Variants in TULP4 observed in about 807,000 individuals in gnomAD.
TULP4 encodes TUB like protein 4.
A neutral mutation model predicts 129.0 loss-of-function variants in TULP4; 16 were observed. That is an observed-to-expected ratio of 0.12 (90% CI 0.08 to 0.19). The LOEUF (loss-of-function observed/expected upper bound fraction) is 0.19, where lower values mean the gene tolerates loss of function less well. TULP4 is among the 10% of genes least tolerant of loss of function. The pLI is 1.00. For missense variants in TULP4, 1,842 were observed against 2,059.1 expected, an observed-to-expected ratio of 0.89 and a Z score of 2.04; for synonymous variants, 998 against 854.0, an observed-to-expected ratio of 1.17 and a Z score of -2.94.
At chr6:158,480,009 C>T in intron 7 of TULP4, 34 bp downstream of exon 7, 1 of 1,510,610 alleles carries the variant, frequency 6.6e-7, no homozygotes, top group Non-Finnish European at 9.0e-7. Context: ...TTCCTCCTCC[C>T]TCACCTGTGC....
At chr6:158,366,545 A>G (rs1158573079) in intron 1 of TULP4, among the ~76,000 whole-genome samples, 1 of 152,116 alleles carries the variant, frequency 6.6e-6, no homozygotes, top group Non-Finnish European at 1.5e-5. Context: ...GTGCTGCGTC[A>G]TACTCGGAGC....
intron 2 of TULP4, among the ~76,000 whole-genome samples, chr6:158,422,963 C>T (rs1462982801): frequency 6.6e-6 from 1 of 152,212 alleles, no homozygotes; most frequent in African/African-American, 2.4e-5. Context: ...TAATGGTCTG[C>T]ATTTGCATAT....
chr6:158,432,234 A>G (rs1583869292), intron 3 of TULP4, among the ~76,000 whole-genome samples: 1 of 151,194 alleles, frequency 6.6e-6, no homozygotes, highest in African/African-American at 2.4e-5. Context: ...GAGCAGGAAT[A>G]CTCCTCCTCC....
chr6:158,363,291 A>T (rs980283742), intron 1 of TULP4, among the ~76,000 whole-genome samples: 2 of 152,142 alleles, frequency 1.3e-5, no homozygotes, highest in South Asian at 4.1e-4. Context: ...AGATGACTTT[A>T]TTGGGGAATG....
intron 1 of TULP4, among the ~76,000 whole-genome samples, chr6:158,303,772 G>C (rs1050068756): frequency 1.3e-5 from 2 of 152,222 alleles, no homozygotes; most frequent in Admixed American, 6.5e-5. Flanking sequence ...CACGTCTTCA[G>C]TAATACTAGT....
At position 158,501,832 on chromosome 6, in the gene TULP4, C is replaced by G; in HGVS notation, c.2169C>G (p.Val723=). The change falls in exon 13 of 14, where the codon GTC becomes GTG. Residue 723 remains valine, a synonymous_variant. Transcript: ENST00000367097. ...LLANQNVQLD[V]LTNQTTAVGT... The stretch of plus-strand genomic sequence containing the variant: ...CCAATCAGAATGTGCAGCTAGATGT[C>G]CTGACCAACCAGACGACAGCTGTAG... 1 of 1,614,142 alleles carries G rather than the reference C, an allele frequency of 6.2e-7. No homozygotes were observed. The highest frequency in any genetic ancestry group is 8.5e-7 in the Non-Finnish European group (1 of 1,180,026).
intron 1 of TULP4, among the ~76,000 whole-genome samples, chr6:158,293,661 CTG>C (rs1437614425): frequency 6.6e-6 from 1 of 152,224 alleles, no homozygotes; most frequent in African/African-American, 2.4e-5. Context: ...GACTCCACCT[CTG>C]TAAGTTACAA....
In TULP4 at chr6:158,493,450, GCT is replaced by G. The variant is rs1454565310; in HGVS notation, c.1632-122_1632-121del. On this transcript the variant is annotated intron_variant, in intron 9 of 13. Transcript: ENST00000367097. This position sits in a 1 kb window ranked among gnomAD's most constrained non-coding sequence, Gnocchi z 4.4. The stretch of plus-strand genomic sequence containing the variant: ...AGAGCTTTGTTAAATTCGGGCACTG[GCT>G]GCAGGGTGAGAACCCAACACCCAGG... The G allele has an allele frequency of 3.9e-5, 41 of 1,062,120 alleles. No homozygotes were observed. The highest frequency in any genetic ancestry group is 6.3e-6 in the Non-Finnish European group (5 of 793,728). The allele number at this position is 1,062,120 out of a possible 1,614,324, so 65.8% of individuals were successfully genotyped here.
At chr6:158,344,599 G>A (rs1780259726) in intron 1 of TULP4, among the ~76,000 whole-genome samples, 1 of 152,176 alleles carries the variant, frequency 6.6e-6, no homozygotes, top group African/African-American at 2.4e-5. Flanking sequence ...CACAAACTGT[G>A]TGCATATAAG....
chr6:158,446,827 G>T (rs774005195), intron 3 of TULP4, among the ~76,000 whole-genome samples: 37 of 152,156 alleles, frequency 2.4e-4, no homozygotes, highest in Admixed American at 4.6e-4. Flanking sequence ...CTTGGGTGTA[G>T]CGAGAGTGCT....
intron 1 of TULP4, among the ~76,000 whole-genome samples, chr6:158,399,202 G>A (rs1253406742): frequency 1.3e-5 from 2 of 152,180 alleles, no homozygotes; most frequent in Admixed American, 1.3e-4. Context: ...TCTAGGCAGT[G>A]AATGACCTTA....
chr6:158,233,347 G>A (rs1171961450), intron 1 of TULP4, among the ~76,000 whole-genome samples: 1 of 152,334 alleles, frequency 6.6e-6, no homozygotes, highest in Non-Finnish European at 1.5e-5. Context: ...TATCCTTTAA[G>A]TCATTGCAAT....
chr6:158,265,397 G>A (rs1348317113), intron 1 of TULP4, among the ~76,000 whole-genome samples: 1 of 152,052 alleles, frequency 6.6e-6, no homozygotes, highest in Non-Finnish European at 1.5e-5. Context: ...TAAAGAGGAA[G>A]TTGGCCAGGT....
chr6:158,464,420 G>A (rs1379913784), intron 6 of TULP4, among the ~76,000 whole-genome samples: 2 of 152,192 alleles, frequency 1.3e-5, no homozygotes, highest in Non-Finnish European at 2.9e-5. Flanking sequence ...CTTGAAGTCA[G>A]GAGAAACAAT....
At chr6:158,269,116 T>A (rs1778501525) in intron 1 of TULP4, among the ~76,000 whole-genome samples, 1 of 152,188 alleles carries the variant, frequency 6.6e-6, no homozygotes. Context: ...TTCTAGAAAT[T>A]CTCGAGTCTG....
At chr6:158,285,301 A>G (rs1778817310) in intron 1 of TULP4, among the ~76,000 whole-genome samples, 1 of 152,218 alleles carries the variant, frequency 6.6e-6, no homozygotes, top group African/African-American at 2.4e-5. Context: ...TTTATTAACA[A>G]TAAACAACAT....
intron 6 of TULP4, among the ~76,000 whole-genome samples, chr6:158,473,028 G>A (rs1779726359): frequency 6.6e-6 from 1 of 152,142 alleles, no homozygotes; most frequent in Admixed American, 6.5e-5. Context: ...TTGTTTTATG[G>A]TCTTCTGGCA....
chr6:158,449,210 C>T, intron 4 of TULP4, 34 bp downstream of exon 4: 1 of 1,586,416 alleles, frequency 6.3e-7, no homozygotes, highest in Non-Finnish European at 8.6e-7. Flanking sequence ...TGTCACTGAC[C>T]AGAAGGACAA....
intron 1 of TULP4, among the ~76,000 whole-genome samples, chr6:158,257,308 G>C (rs902172133): frequency 6.6e-6 from 1 of 152,246 alleles, no homozygotes; most frequent in African/African-American, 2.4e-5. Flanking sequence ...CAGGGAACAT[G>C]TTATTTATAC....
Sources: allele counts gnomAD v4.1 joint callset (sites outside exome capture counted in the v4.1 genomes callset), GRCh38; gene constraint gnomAD v4.1.1; non-coding constraint Gnocchi (gnomAD v3.1); transcripts MANE v1.5; gene names NCBI Gene and HGNC (gene_info 2026-07-23, HGNC 2026-07-21).